Variants in CPA6 observed in about 807,000 individuals in gnomAD.
CPA6 encodes the protein carboxypeptidase B.
Under a neutral mutation model 63.3 loss-of-function variants are expected in CPA6, and 58 were observed. The observed-to-expected ratio is 0.92, with a 90% CI of 0.74 to 1.14. CPA6 has a LOEUF of 1.14. CPA6 is among the 50% of genes most tolerant of loss of function. The probability of loss-of-function intolerance (pLI) is 0.00; values close to 1 mark genes in which losing one functional copy is unlikely to be tolerated. For synonymous variants in CPA6, 185 were observed against 179.0 expected (o/e 1.03, Z -0.27); for missense variants, 565 against 526.6 (o/e 1.07, Z -0.71).
At chr8:67,640,874 C>T (rs1815576119) in intron 1 of CPA6, among the ~76,000 whole-genome samples, 1 of 151,662 alleles carries the variant, frequency 6.6e-6, no homozygotes, top group Non-Finnish European at 1.5e-5. Context: ...CTGGGGCCAG[C>T]CCTGTGAATT....
chr8:67,734,998 T>TAGTG (rs1170003874), intron 1 of CPA6, among the ~76,000 whole-genome samples: 1 of 152,212 alleles, frequency 6.6e-6, no homozygotes, highest in Non-Finnish European at 1.5e-5. Flanking sequence ...GGTCCTCATC[T>TAGTG]AGTGATAGAG....
At chr8:67,510,668 G>T (rs1812023786) in intron 4 of CPA6, among the ~76,000 whole-genome samples, 1 of 152,062 alleles carries the variant, frequency 6.6e-6, no homozygotes. Context: ...TTTATGTCTG[G>T]CATTCCTTTG....
chr8:67,736,174 T>A (rs897043727), intron 1 of CPA6, among the ~76,000 whole-genome samples: 1 of 152,194 alleles, frequency 6.6e-6, no homozygotes, highest in Admixed American at 6.5e-5. Flanking sequence ...TCCTGTGGTC[T>A]TTCCTTTATC....
In CPA6 at chr8:67,742,996, T is replaced by A. The variant is rs551236609; in HGVS notation, c.116+3018A>T. ...TTTTGGTTTCAATATCACAGCATAA[T>A]AAATAATCAGGTCTGCTTTTGGGAA... On this transcript the variant is annotated intron_variant, in intron 1 of 10. Coordinates refer to ENST00000297770, the MANE Select transcript of CPA6 (RefSeq NM_020361.5). Among the ~76,000 whole-genome samples, 10 of 152,120 alleles carry A rather than the reference T, an allele frequency of 6.6e-5. No homozygotes were observed. The South Asian group carries it at 2.1e-3, about 32-fold the overall frequency.
chr8:67,574,476 G>T (rs983349027), intron 2 of CPA6, among the ~76,000 whole-genome samples: 1 of 151,932 alleles, frequency 6.6e-6, no homozygotes, highest in African/African-American at 2.4e-5. Context: ...ACCAACTGTA[G>T]TTGATTTCAA....
intron 1 of CPA6, among the ~76,000 whole-genome samples, chr8:67,691,320 C>T (rs1816809414): frequency 6.6e-6 from 1 of 152,200 alleles, no homozygotes; most frequent in Non-Finnish European, 1.5e-5. Flanking sequence ...CCTTGGTACA[C>T]TGTGGACTGT....
At chr8:67,426,811 C>T (rs1809897240) in intron 10 of CPA6, among the ~76,000 whole-genome samples, 1 of 152,136 alleles carries the variant, frequency 6.6e-6, no homozygotes, top group African/African-American at 2.4e-5. Context: ...ACTAGATTTT[C>T]CAAGTCATAT....
At position 67,746,237 on chromosome 8, in the gene CPA6, C is replaced by A; in HGVS notation, c.-108G>T. On this transcript the variant is annotated 5_prime_UTR_variant, in exon 1 of 11. Transcript: ENST00000297770. ...ACAGGTTCTCCGGGAAGGGGGTGGG[C>A]GAGGAAGGTTGAGAGTGAGCAAAAT... The A allele has an allele frequency of 1.5e-6, 1 of 686,708 alleles. No individual in the cohort carries two copies. The highest frequency in any genetic ancestry group is 1.8e-5 in the African/African-American group (1 of 55,970). 42.5% of individuals were successfully genotyped at this position (686,708 alleles called of 1,614,324 possible).
intron 2 of CPA6, among the ~76,000 whole-genome samples, chr8:67,621,958 A>G (rs2128986629): frequency 6.6e-6 from 1 of 152,372 alleles, no homozygotes; most frequent in South Asian, 2.1e-4. Context: ...AGCCCTATTT[A>G]CAGTCTAGAG....
chr8:67,565,298 A>G (rs535153466), intron 2 of CPA6, among the ~76,000 whole-genome samples: 2 of 152,310 alleles, frequency 1.3e-5, no homozygotes, highest in Non-Finnish European at 2.9e-5. Context: ...CAAAGGAGAA[A>G]GAAAAAGAGG....
At chr8:67,455,713 G>GT (rs377130952) in intron 8 of CPA6, among the ~76,000 whole-genome samples, 88 of 130,992 alleles carry the variant, frequency 6.7e-4, no homozygotes, top group Middle Eastern at 4.2e-3. Flanking sequence ...TGCCAAGACT[G>GT]TTTTTTTTGT....
intron 3 of CPA6, among the ~76,000 whole-genome samples, chr8:67,513,503 A>G (rs1812083473): frequency 6.6e-6 from 1 of 152,150 alleles, no homozygotes; most frequent in Non-Finnish European, 1.5e-5. Flanking sequence ...CTAAGGAAAA[A>G]AAAATGTAGA....
intron 2 of CPA6, among the ~76,000 whole-genome samples, chr8:67,604,820 CG>C (rs1291549650): frequency 2.0e-5 from 3 of 152,130 alleles, no homozygotes; most frequent in African/African-American, 7.2e-5. Flanking sequence ...TCTTTTTACC[CG>C]GGCTGGAGTG....
At chr8:67,726,136 A>C (rs1158910600) in intron 1 of CPA6, among the ~76,000 whole-genome samples, 1 of 152,212 alleles carries the variant, frequency 6.6e-6, no homozygotes, top group Non-Finnish European at 1.5e-5. Context: ...TAAGTGATTG[A>C]AAAATAATTT....
At position 67,517,950 on chromosome 8, in the gene CPA6, A is replaced by G. The variant is rs372902713; in HGVS notation, c.290T>C (p.Phe97Ser). 5 of 1,612,354 alleles carry G rather than the reference A, an allele frequency of 3.1e-6. 1 individual carries two copies. Among genetic ancestry groups the G allele is most frequent in the Non-Finnish European group, 4.2e-6 (5 of 1,179,462 alleles). ...GTACTGGATGTTGGCTTCCTGTAAGAAGGCTAACAGGGCTCGGGAACCATT... is the reference window on the plus strand; with the variant it reads ...GTACTGGATGTTGGCTTCCTGTAAGGAGGCTAACAGGGCTCGGGAACCATT... Reference protein sequence around the residue: ...PQNGSRALLAFLQEANIQYKV... With the variant: ...PQNGSRALLASLQEANIQYKV... Residue 97 changes from phenylalanine to serine, a missense_variant, in exon 3 of 11, where the codon TTC (phenylalanine) becomes TCC (serine). Transcript: ENST00000297770.
intron 2 of CPA6, among the ~76,000 whole-genome samples, chr8:67,542,886 T>G (rs1025325677): frequency 1.3e-5 from 2 of 152,234 alleles, no homozygotes; most frequent in African/African-American, 4.8e-5. Context: ...TGTCCTTGTT[T>G]CTACAAAGCT....
intron 6 of CPA6, among the ~76,000 whole-genome samples, chr8:67,497,220 C>T (rs911799154): frequency 3.3e-5 from 5 of 152,088 alleles, no homozygotes; most frequent in Non-Finnish European, 7.4e-5. Flanking sequence ...AGGACATTTC[C>T]ACCACTCCAA....
At chr8:67,594,172 G>C (rs894795473) in intron 2 of CPA6, among the ~76,000 whole-genome samples, 1 of 152,124 alleles carries the variant, frequency 6.6e-6, no homozygotes, top group Non-Finnish European at 1.5e-5. Context: ...TGAAATTCTG[G>C]GTTGAAAATT....
At chr8:67,721,021 C>T (rs183469831) in intron 1 of CPA6, among the ~76,000 whole-genome samples, 8 of 152,328 alleles carry the variant, frequency 5.3e-5, no homozygotes, top group African/African-American at 1.9e-4. Context: ...ATTGAACAAA[C>T]ATTTACTTAT....
Sources: allele counts gnomAD v4.1 joint callset (sites outside exome capture counted in the v4.1 genomes callset), GRCh38; gene constraint gnomAD v4.1.1; transcripts MANE v1.5; gene names NCBI Gene and HGNC (gene_info 2026-07-23, HGNC 2026-07-21).